The following ANKLE2 variants were observed in gnomAD, a reference collection of about 807,000 sequenced individuals.
ANKLE2 encodes the protein ankyrin repeat and LEM domain-containing protein 2.
ANKLE2 carries 55 observed loss-of-function variants against 84.2 expected under a neutral mutation model. The observed-to-expected ratio is 0.65, with a 90% CI of 0.53 to 0.82. The LOEUF is 0.82. ANKLE2 is among the 40% of genes least tolerant of loss of function. The pLI is 0.00. For synonymous variants in ANKLE2, 551 were observed against 486.1 expected (o/e 1.13, Z -1.76); for missense variants, 1,238 against 1,201.9 (o/e 1.03, Z -0.44).
intron 7 of ANKLE2, chr12:132,738,928 G>A (rs1320452281): frequency 6.6e-6 from 1 of 152,176 alleles, no homozygotes; most frequent in Non-Finnish European, 1.5e-5. Flanking sequence ...ATATACCACA[G>A]GATATTAAGA....
At chr12:132,761,529 G>A (rs1042099561) in intron 1 of ANKLE2, 89 bp downstream of exon 1, 7 of 1,090,860 alleles carry the variant, frequency 6.4e-6, no homozygotes, top group Non-Finnish European at 8.0e-6. Flanking sequence ...GCCGGCTCCA[G>A]GGGCGCGGCC....
At chr12:132,747,586 G>A (rs559900994) in intron 5 of ANKLE2, among the ~76,000 whole-genome samples, 1 of 152,324 alleles carries the variant, frequency 6.6e-6, no homozygotes, top group Admixed American at 6.5e-5. Context: ...CGTGTCCCCA[G>A]ACAGTTCAGA....
chr12:132,731,362 G>A (rs185710036), intron 10 of ANKLE2: 1 of 152,330 alleles, frequency 6.6e-6, no homozygotes, highest in Non-Finnish European at 1.5e-5. Flanking sequence ...GTGGTTCAGA[G>A]TCACAGGTCG....
chr12:132,739,592 A>G (rs2044081694), intron 7 of ANKLE2, among the ~76,000 whole-genome samples: 1 of 152,184 alleles, frequency 6.6e-6, no homozygotes, highest in Admixed American at 6.5e-5. Flanking sequence ...CCCTTTTAAC[A>G]ATTTCTGTCT....
intron 1 of ANKLE2, chr12:132,759,003 G>A (rs1455178442): frequency 2.8e-5 from 4 of 141,182 alleles, no homozygotes; most frequent in African/African-American, 8.5e-5. Flanking sequence ...GTGGCACCCC[G>A]GGGCACCCAC....
rs1459593012 is a variant in ANKLE2, at chr12:132,737,006, G to A, written c.1480C>T (p.Leu494=). The part of the protein sequence containing the change: ...EETSSPVIGE[L]WSPDQTAEAS... ...TCAGCCGTCTGGTCTGGGGACCACA[G>A]CTCCCCGATGACTGGAGAAGAAGTC... Residue 494 remains leucine (L), a synonymous_variant, in exon 8 of 13, where the codon CTG becomes TTG. Coordinates refer to ENST00000357997, the MANE Select transcript of ANKLE2 (RefSeq NM_015114.3). 6.2e-7 allele frequency: 1 copy of A among 1,613,244 alleles called. No homozygotes were observed. The highest frequency in any genetic ancestry group is 1.7e-5 in the Admixed American group (1 of 59,978).
At position 132,725,723 on chromosome 12, in the gene ANKLE2, T is replaced by G. The variant is rs557498579; in HGVS notation, c.*1519A>C. The G allele has an allele frequency of 3.3e-5, 5 of 152,196 alleles. No individual in the cohort carries two copies. The highest frequency in any genetic ancestry group is 7.3e-5 in the Non-Finnish European group (5 of 68,034). The allele number at this position is 152,196 out of a possible 1,614,324, so 9.4% of individuals were successfully genotyped here. ...AATTTACAACCATATACAGACAATATGGTAAGATTTTAGAGAAAACAGATC... is the reference window on the plus strand; with the variant it reads ...AATTTACAACCATATACAGACAATAGGGTAAGATTTTAGAGAAAACAGATC... On this transcript the variant is annotated 3_prime_UTR_variant, in exon 13 of 13. Coordinates refer to ENST00000357997, the MANE Select transcript of ANKLE2 (RefSeq NM_015114.3).
intron 5 of ANKLE2, among the ~76,000 whole-genome samples, chr12:132,746,652 A>G (rs1347904917): frequency 6.6e-6 from 1 of 152,202 alleles, no homozygotes; most frequent in East Asian, 1.9e-4. Flanking sequence ...AAAAATCGAA[A>G]TTAGGCAAAG....
chr12:132,746,542 C>T (rs1261446867), intron 5 of ANKLE2, among the ~76,000 whole-genome samples: 1 of 152,046 alleles, frequency 6.6e-6, no homozygotes, highest in Non-Finnish European at 1.5e-5. Flanking sequence ...TTCCTGCCCA[C>T]AGAAAGTAAA....
intron 5 of ANKLE2, among the ~76,000 whole-genome samples, chr12:132,747,179 G>A (rs972933666): frequency 6.6e-5 from 10 of 152,198 alleles, no homozygotes; most frequent in Admixed American, 3.3e-4. Flanking sequence ...TACCAAGATC[G>A]TTCCTGTTTC....
chr12:132,750,360 G>A (rs956821977), intron 3 of ANKLE2, among the ~76,000 whole-genome samples: 3 of 151,528 alleles, frequency 2.0e-5, no homozygotes, highest in African/African-American at 7.3e-5. Context: ...TGCACTCCAG[G>A]CTGGCAAAAG....
chr12:132,754,689 A>C lies in ANKLE2; in HGVS notation c.626T>G (p.Val209Gly). Residue 209 changes from valine to glycine, a missense_variant, in exon 2 of 13, where the codon GTC becomes GGC. Val to Gly is a moderately radical substitution (Grantham distance 109). Around this residue, in one of 3 missense-constraint regions of ANKLE2, gnomAD observed 422 missense variants for 394.5 expected, o/e 1.07. Coordinates refer to ENST00000357997, the MANE Select transcript of ANKLE2 (RefSeq NM_015114.3). The stretch of plus-strand genomic sequence containing the variant: ...GGTCCCATTACCATTTCTCGCTGGG[A>C]CGTCCTCATACACTGGACACACCCC... ...YYGVCPVYED[V>G]PARNERIYVY... 2.5e-6 allele frequency: 4 copies of C among 1,600,272 alleles called. No homozygotes were observed. The highest frequency in any genetic ancestry group is 1.7e-4 in the Middle Eastern group (1 of 5,938).
chr12:132,750,922 C>T (rs900032126), intron 2 of ANKLE2, 73 bp from the exon 3 acceptor site: 2 of 1,369,988 alleles, frequency 1.5e-6, no homozygotes, highest in African/African-American at 1.4e-5. Context: ...ATGCCCTGGG[C>T]CTAACCATCA....
intron 7 of ANKLE2, 169 bp from the exon 8 acceptor site, chr12:132,737,234 G>A: frequency 3.4e-6 from 2 of 582,700 alleles, no homozygotes; most frequent in Non-Finnish European, 5.7e-6. Context: ...AATGCAAATG[G>A]ATACAATGGA....
rs1469660599 is a variant in ANKLE2 at position 132,734,464 on chromosome 12, T to C, written c.1812A>G (p.Thr604=). Residue 604 remains threonine, a synonymous_variant, in exon 10 of 13, where the codon ACA becomes ACG. Transcript: ENST00000357997. The part of the protein sequence containing the change: ...EGLQRLEEYL[T]QQEIGKKAQQ... ...GAGCCTTTTTGCCTATTTCCTGCTG[T>C]GTGAGATATTCTTCTAGTCTTTGCA... 1.2e-6 allele frequency: 2 copies of C among 1,614,178 alleles called. No homozygotes were observed. The highest frequency in any genetic ancestry group is 2.2e-5 in the South Asian group (2 of 91,084).
At position 132,750,796 on chromosome 12, in the gene ANKLE2, T is replaced by C; in HGVS notation, c.694A>G (p.Ile232Val). 1 of 1,614,220 alleles carries C rather than the reference T, an allele frequency of 6.2e-7. No individual in the cohort carries two copies. The highest frequency in any genetic ancestry group is 8.5e-7 in the Non-Finnish European group (1 of 1,180,044). ...KKEALQAVKMIKGSRFKAFST... is the reference protein window; with the variant it reads ...KKEALQAVKMVKGSRFKAFST... ...AAAGCTTTAAATCGGGACCCTTTGATCATCTTGACAGCTTGCAATGCTTCC... is the reference window on the plus strand; with the variant it reads ...AAAGCTTTAAATCGGGACCCTTTGACCATCTTGACAGCTTGCAATGCTTCC... Residue 232 changes from isoleucine (I) to valine (V), a missense_variant, in exon 3 of 13, where the codon ATC (isoleucine) becomes GTC (valine). Physicochemically the swap from Ile to Val is conservative, Grantham distance 29. Coordinates refer to ENST00000357997, the MANE Select transcript of ANKLE2 (RefSeq NM_015114.3).
chr12:132,751,715 G>GT (rs1293622227), intron 2 of ANKLE2, among the ~76,000 whole-genome samples: 4 of 151,476 alleles, frequency 2.6e-5, no homozygotes, highest in Admixed American at 2.6e-4. Context: ...GCTAATTGTT[G>GT]TATTTTTAGT....
chr12:132,752,187 A>G (rs1443255899), intron 2 of ANKLE2, among the ~76,000 whole-genome samples: 1 of 152,008 alleles, frequency 6.6e-6, no homozygotes, highest in African/African-American at 2.4e-5. Flanking sequence ...CTAAAAATAT[A>G]AAATTAGCCG....
chr12:132,734,291 C>T (rs1348119664), intron 10 of ANKLE2, 94 bp downstream of exon 10: 6 of 1,344,650 alleles, frequency 4.5e-6, no homozygotes, highest in South Asian at 3.8e-5. Context: ...ACGTTAAAAA[C>T]ACCAAGAGAC....
Sources: gnomAD v4.1 joint callset for allele counts (sites outside exome capture counted in the v4.1 genomes callset) on GRCh38, gnomAD v4.1.1 for gene constraint, gnomAD v4.1.1 regional missense constraint, MANE v1.5 for transcripts, NCBI Gene and HGNC (gene_info 2026-07-23, HGNC 2026-07-21) for gene names.